MINDY2: variants seen among roughly 807,000 people sequenced by gnomAD.
MINDY2 encodes MINDY lysine 48 deubiquitinase 2.
MINDY2 carries 52 observed loss-of-function variants against 68.2 expected under a neutral mutation model. The ratio of observed to expected loss-of-function variants is 0.76; its 90% CI spans 0.61 to 0.96. The LOEUF (loss-of-function observed/expected upper bound fraction) is 0.96, where lower values mean the gene tolerates loss of function less well. Among genes scored for constraint, MINDY2 ranks in the 40% least tolerant of loss-of-function variants. The pLI, the probability that MINDY2 is intolerant of heterozygous loss-of-function variation, is 0.00. For missense variants in MINDY2, 881 were observed against 773.4 expected (o/e 1.14, Z -1.65); for synonymous variants, 372 against 303.0 (o/e 1.23, Z -2.36).
chr15:58,783,191 G>GA, intron 1 of MINDY2, among the ~76,000 whole-genome samples: 1 of 152,102 alleles, frequency 6.6e-6, no homozygotes, highest in Middle Eastern at 3.4e-3. Context: ...AAAGTGCTGG[G>GA]ATTACAGGAG....
intron 6 of MINDY2, among the ~76,000 whole-genome samples, chr15:58,844,375 G>C (rs947337764): frequency 1.3e-5 from 2 of 150,630 alleles, no homozygotes; most frequent in Non-Finnish European, 3.0e-5. Flanking sequence ...GTGAAACCCC[G>C]TCTCTACTAA....
At chr15:58,775,268 A>G (rs1900705088) in intron 1 of MINDY2, among the ~76,000 whole-genome samples, 1 of 152,190 alleles carries the variant, frequency 6.6e-6, no homozygotes, top group African/African-American at 2.4e-5. Context: ...ATCCACATAG[A>G]TGAAAGTTAT....
intron 7 of MINDY2, among the ~76,000 whole-genome samples, chr15:58,848,411 A>G (rs1184778604): frequency 6.6e-6 from 1 of 152,202 alleles, no homozygotes; most frequent in Non-Finnish European, 1.5e-5. Flanking sequence ...TATATGTTCT[A>G]TAATGGCAAT....
chr15:58,771,387 C>G lies in MINDY2; in HGVS notation c.-9C>G. 2 of 1,599,468 alleles carry G rather than the reference C, an allele frequency of 1.3e-6. No homozygotes were observed. Among genetic ancestry groups the G allele is most frequent in the Non-Finnish European group, 1.7e-6 (2 of 1,174,784 alleles). On this transcript the variant is annotated 5_prime_UTR_variant, in exon 1 of 9. Transcript: ENST00000559228. ...CGGTCTCCATAGAGCTGGGGGCGGG[C>G]GGCCCGGTATGGAGAGCAGCCCCGA... is the stretch of plus-strand genomic sequence containing the variant.
intron 2 of MINDY2, among the ~76,000 whole-genome samples, chr15:58,801,931 C>G (rs1443661739): frequency 6.6e-6 from 1 of 152,016 alleles, no homozygotes; most frequent in Admixed American, 6.6e-5. Context: ...TGCCAAACTT[C>G]TTTTTTTTAC....
chr15:58,831,958 A>G (rs751818302), intron 6 of MINDY2, 42 bp downstream of exon 6: 9 of 1,562,662 alleles, frequency 5.8e-6, no homozygotes, highest in Admixed American at 3.9e-5. Flanking sequence ...TTCTAAATCA[A>G]AGGAGCTTGA....
chr15:58,854,025 A>T (rs562621441), intron 8 of MINDY2, among the ~76,000 whole-genome samples: 20 of 151,950 alleles, frequency 1.3e-4, no homozygotes, highest in African/African-American at 4.6e-4. Flanking sequence ...TGGGCGGATC[A>T]CAAAGTCAGG....
chr15:58,796,247 A>G (rs1328057573), intron 2 of MINDY2: 3 of 401,064 alleles, frequency 7.5e-6, no homozygotes, highest in Non-Finnish European at 1.5e-5. Context: ...ATGCTGTTGT[A>G]AAGAATAGGA....
intron 2 of MINDY2, among the ~76,000 whole-genome samples, chr15:58,801,649 A>AT (rs1277624088): frequency 2.0e-5 from 3 of 151,620 alleles, no homozygotes; most frequent in African/African-American, 7.3e-5. Flanking sequence ...AAGAAAAGAA[A>AT]TTTTTTTTGA....
Position 58,831,824 on chromosome 15 carries a change from C to G in MINDY2, c.1276C>G (p.His426Asp), listed in dbSNP as rs1242779511. The part of the protein sequence containing the change: ...LNNTATQLTY[H>D]GLCELTSTVQ... Reference sequence around the variant, plus strand: ...TAACACAGCCACTCAACTGACATACCATGGATTATGTGAACTAACTTCAAC... The same window carrying G: ...TAACACAGCCACTCAACTGACATACGATGGATTATGTGAACTAACTTCAAC... Residue 426 changes from histidine to aspartate, a missense_variant, in exon 6 of 9, where the codon CAT becomes GAT. By Grantham distance (81) the His-to-Asp change is moderately conservative. Coordinates refer to ENST00000559228, the MANE Select transcript of MINDY2 (RefSeq NM_001040450.3). The G allele has an allele frequency of 1.2e-6, 2 of 1,613,458 alleles. No individual in the cohort carries two copies. Among genetic ancestry groups the G allele is most frequent in the African/African-American group, 1.3e-5 (1 of 74,902 alleles).
At chr15:58,797,097 T>C (rs929284787) in intron 2 of MINDY2, among the ~76,000 whole-genome samples, 14 of 152,194 alleles carry the variant, frequency 9.2e-5, no homozygotes, top group Non-Finnish European at 2.9e-5. Flanking sequence ...ATTGAGATGT[T>C]CTGTAAATGT....
chr15:58,846,104 AAAAG>A (rs1222125339), intron 6 of MINDY2, among the ~76,000 whole-genome samples: 1 of 151,974 alleles, frequency 6.6e-6, no homozygotes, highest in Non-Finnish European at 1.5e-5. Context: ...AAAAAAAAAA[AAAAG>A]AAAAAACAGA....
chr15:58,849,347 T>C lies in MINDY2; in HGVS notation c.1542+1877T>C, dbSNP rs1334355270. Among the ~76,000 whole-genome samples the C allele has an allele frequency of 2.0e-5, 3 of 150,300 alleles. No individual in the cohort carries two copies. In the East Asian group the frequency reaches 5.9e-4, roughly 30 times the overall value. ...GAAACCCCGTCTTTAATTAGAAAAA[T>C]GCAAAAAATTAGCCGGGCATGGTGG... is the stretch of plus-strand genomic sequence containing the variant. On this transcript the variant is annotated intron_variant, in intron 7 of 8. Transcript: ENST00000559228.
intron 6 of MINDY2, among the ~76,000 whole-genome samples, chr15:58,846,734 T>C (rs1034520860): frequency 3.9e-5 from 6 of 152,096 alleles, no homozygotes; most frequent in Non-Finnish European, 7.4e-5. Flanking sequence ...CAATCAATAC[T>C]GGGCAATTTG....
chr15:58,854,177 G>C (rs559342164), intron 8 of MINDY2, among the ~76,000 whole-genome samples: 30 of 151,654 alleles, frequency 2.0e-4, no homozygotes, highest in Non-Finnish European at 3.7e-4. Context: ...CCAGGAAGTG[G>C]AGGTTGCAGT....
chr15:58,810,516 A>G (rs1462780885), intron 4 of MINDY2, 128 bp downstream of exon 4: 10 of 891,546 alleles, frequency 1.1e-5, no homozygotes, highest in Non-Finnish European at 1.6e-5. Flanking sequence ...TAGCCAAACT[A>G]TGAGGTTAAG....
intron 6 of MINDY2, among the ~76,000 whole-genome samples, chr15:58,836,589 T>C (rs1387164422): frequency 1.3e-5 from 2 of 152,100 alleles, no homozygotes; most frequent in African/African-American, 4.8e-5. Flanking sequence ...GCTTTACTTC[T>C]GACAGAGTAC....
chr15:58,840,065 C>A (rs1296047637), intron 6 of MINDY2, among the ~76,000 whole-genome samples: 1 of 152,114 alleles, frequency 6.6e-6, no homozygotes, highest in Admixed American at 6.5e-5. Flanking sequence ...AACTCCTGAC[C>A]TCAGGCAGTC....
chr15:58,783,549 A>G (rs1260322602), intron 1 of MINDY2, among the ~76,000 whole-genome samples: 1 of 152,166 alleles, frequency 6.6e-6, no homozygotes, highest in African/African-American at 2.4e-5. Context: ...TTAAGATTTC[A>G]CTTACAGTTT....
Sources: allele counts gnomAD v4.1 joint callset (sites outside exome capture counted in the v4.1 genomes callset), GRCh38; gene constraint gnomAD v4.1.1; transcripts MANE v1.5; gene names NCBI Gene and HGNC (gene_info 2026-07-23, HGNC 2026-07-21).